The following PTPRT variants were observed in gnomAD, a reference collection of about 807,000 sequenced individuals.
PTPRT encodes receptor-type tyrosine-protein phosphatase T.
In PTPRT, 56 loss-of-function variants were observed where a neutral mutation model predicts 176.8. That is an observed-to-expected ratio of 0.32 (90% CI 0.26 to 0.40). PTPRT has a LOEUF of 0.40. Ranked by LOEUF, PTPRT falls within the 10% of genes least tolerant of loss-of-function variation. The probability of loss-of-function intolerance (pLI) is 1.00; values close to 1 mark genes in which losing one functional copy is unlikely to be tolerated. For synonymous variants in PTPRT, 783 were observed against 739.0 expected (o/e 1.06, Z -0.96); for missense variants, 1,540 against 1,908.2 (o/e 0.81, Z 3.60).
intron 15 of PTPRT, among the ~76,000 whole-genome samples, chr20:42,218,706 C>G (rs935107634): frequency 1.3e-5 from 2 of 152,298 alleles, no homozygotes; most frequent in Admixed American, 6.5e-5. Flanking sequence ...TAGGAACATA[C>G]AGTCTTAGAG....
intron 6 of PTPRT, among the ~76,000 whole-genome samples, chr20:42,723,540 TC>T (rs2076334140): frequency 6.6e-6 from 1 of 152,114 alleles, no homozygotes; most frequent in Non-Finnish European, 1.5e-5. Context: ...TGGCCTGTGG[TC>T]TATCCTCAGG....
intron 1 of PTPRT, among the ~76,000 whole-genome samples, chr20:42,941,114 A>C (rs935082528): frequency 1.3e-5 from 2 of 151,774 alleles, no homozygotes; most frequent in South Asian, 4.2e-4. Flanking sequence ...AATAATAATA[A>C]GACTTCTGTT....
chr20:42,303,492 C>T (rs560535873), intron 12 of PTPRT, among the ~76,000 whole-genome samples: 19 of 152,248 alleles, frequency 1.2e-4, no homozygotes, highest in Admixed American at 4.6e-4. Flanking sequence ...CGGCATGAAA[C>T]GGAGCAGTAA....
At chr20:42,546,836 C>G (rs1021453487) in intron 7 of PTPRT, among the ~76,000 whole-genome samples, 1 of 152,062 alleles carries the variant, frequency 6.6e-6, no homozygotes, top group African/African-American at 2.4e-5. Context: ...ACAACATTTA[C>G]CCACTATGTT....
chr20:42,882,240 T>C lies in PTPRT; in HGVS notation c.214+3567A>G, dbSNP rs374477122. Among the ~76,000 whole-genome samples, 6 of 152,338 alleles carry C rather than the reference T, an allele frequency of 3.9e-5. No individual in the cohort carries two copies. The East Asian group carries it at 1.2e-3, about 29-fold the overall frequency. ...TTTGCCTAATCCAAATTCGCTTTCA[T>C]GCCTCTCTGCCTAAGAGGCACACAG... On this transcript the variant is annotated intron_variant, in intron 2 of 30. Coordinates refer to ENST00000373187, the MANE Select transcript of PTPRT (RefSeq NM_007050.6).
intron 2 of PTPRT, among the ~76,000 whole-genome samples, chr20:42,804,233 G>A (rs2077572244): frequency 6.6e-6 from 1 of 152,048 alleles, no homozygotes; most frequent in South Asian, 2.1e-4. Context: ...CAGCTGCAAA[G>A]CTAGTTTCCT....
At chr20:42,062,885 T>C in the PTPRT span, among the ~76,000 whole-genome samples, 1 of 152,132 alleles carries the variant, frequency 6.6e-6, no homozygotes, top group Non-Finnish European at 1.5e-5. Context: ...CTATGCTGCC[T>C]GTGTCTCAGG....
At chr20:42,972,751 G>A (rs1379138442) in intron 1 of PTPRT, among the ~76,000 whole-genome samples, 3 of 150,846 alleles carry the variant, frequency 2.0e-5, no homozygotes, top group Non-Finnish European at 4.4e-5. Flanking sequence ...AAATATTTGA[G>A]GTTTTAAGCA....
intron 1 of PTPRT, among the ~76,000 whole-genome samples, chr20:43,026,374 G>A (rs558857799): frequency 9.2e-5 from 14 of 152,080 alleles, no homozygotes; most frequent in African/African-American, 2.4e-4. Flanking sequence ...CCTCGGCCTC[G>A]CAAAGTGCTG....
At chr20:42,728,747 T>C (rs1389785962) in intron 6 of PTPRT, among the ~76,000 whole-genome samples, 1 of 152,224 alleles carries the variant, frequency 6.6e-6, no homozygotes, top group Non-Finnish European at 1.5e-5. Flanking sequence ...GACCATTTTC[T>C]AAATGTGACG....
intron 2 of PTPRT, among the ~76,000 whole-genome samples, chr20:42,855,970 C>T (rs1399989658): frequency 6.6e-6 from 1 of 151,772 alleles, no homozygotes; most frequent in Non-Finnish European, 1.5e-5. Flanking sequence ...CTCAAATGGG[C>T]AAAGACAAGA....
rs2145925359 is a variant in PTPRT at position 42,639,605 on chromosome 20, G to T, written c.1153+38261C>A. Among the ~76,000 whole-genome samples, 2 of 152,146 alleles carry T rather than the reference G, an allele frequency of 1.3e-5. 1 individual carries two copies. Among genetic ancestry groups the T allele is most frequent in the African/African-American group, 4.8e-5 (2 of 41,492 alleles). On this transcript the variant is annotated intron_variant, in intron 7 of 30. Transcript: ENST00000373187. ...AGCATTTCACTAAAAAGCACCCAGA[G>T]AACTTTCCCTAAAGTCTCCTCCTTA...
intron 7 of PTPRT, among the ~76,000 whole-genome samples, chr20:42,520,972 A>G (rs1250593920): frequency 1.3e-5 from 2 of 151,954 alleles, no homozygotes; most frequent in African/African-American, 2.4e-5. Flanking sequence ...ACCTACATAC[A>G]TATGTGACTA....
intron 1 of PTPRT, among the ~76,000 whole-genome samples, chr20:43,037,819 T>C (rs1016873059): frequency 1.3e-5 from 2 of 152,190 alleles, no homozygotes; most frequent in Non-Finnish European, 2.9e-5. Context: ...GAGTCACCTA[T>C]ACTATTTCCA....
At chr20:42,790,247 T>C (rs62205408) in intron 3 of PTPRT, among the ~76,000 whole-genome samples, 22,760 of 151,794 alleles carry the variant, frequency 0.15, 1,833 homozygotes, top group South Asian at 0.25. Context: ...AACAAAACTT[T>C]CAATGGCCCC....
At position 42,621,758 on chromosome 20, in the gene PTPRT, G is replaced by A. The variant is rs147766177; in HGVS notation, c.1153+56108C>T. On this transcript the variant is annotated intron_variant, in intron 7 of 30. Transcript: ENST00000373187. ...ATTAAACTACTACCTAGATCCTGGT[G>A]ACTCTCAAATGTCTACTTCCAGTCT... 2.4e-3 allele frequency among the ~76,000 whole-genome samples: 371 copies of A among 152,260 alleles called. 1 individual carries two copies. The highest frequency in any genetic ancestry group is 3.9e-3 in the Admixed American group (60 of 15,300).
intron 22 of PTPRT, among the ~76,000 whole-genome samples, chr20:42,111,993 G>A (rs1987022487): frequency 6.6e-6 from 1 of 152,066 alleles, no homozygotes; most frequent in South Asian, 2.1e-4. Flanking sequence ...CAGGCCATGG[G>A]AGACCACAGG....
intron 27 of PTPRT, among the ~76,000 whole-genome samples, chr20:42,096,756 A>ATTTTTTTTTTTT (rs58111170): frequency 8.4e-6 from 1 of 118,870 alleles, no homozygotes; most frequent in Non-Finnish European, 1.7e-5. Flanking sequence ...GCTAATTAAA[A>ATTTTTTTTTTTT]TTTTTTTTTT....
Position 42,084,847 on chromosome 20 carries a change from T to G in PTPRT, c.3973-2A>C. 1 of 1,422,518 alleles carries G rather than the reference T, an allele frequency of 7.0e-7. No individual in the cohort carries two copies. Among genetic ancestry groups the G allele is most frequent in the Non-Finnish European group, 9.3e-7 (1 of 1,070,578 alleles). The allele number at this position is 1,422,518 out of a possible 1,614,324, so 88.1% of individuals were successfully genotyped here. ...GACTATACGATAACCATCCTGTGGC[T>G]GAGAACAGAGAGGCTGTTAGGGCTG... On this transcript the variant is annotated splice_acceptor_variant, in intron 28 of 30. Coordinates refer to ENST00000373187, the MANE Select transcript of PTPRT (RefSeq NM_007050.6). LOFTEE classifies it high-confidence loss of function.
Sources: gnomAD v4.1 joint callset for allele counts (sites outside exome capture counted in the v4.1 genomes callset) on GRCh38, gnomAD v4.1.1 for gene constraint, MANE v1.5 for transcripts, NCBI Gene and HGNC (gene_info 2026-07-23, HGNC 2026-07-21) for gene names.